SDK1: variants seen among roughly 807,000 people sequenced by gnomAD.
SDK1 encodes sidekick cell adhesion molecule 1.
SDK1 carries 157 observed loss-of-function variants against 245.5 expected under a neutral mutation model. The observed-to-expected ratio is 0.64, with a 90% CI of 0.56 to 0.73. The LOEUF (loss-of-function observed/expected upper bound fraction) is 0.73, where lower values mean the gene tolerates loss of function less well. SDK1 is among the 30% of genes least tolerant of loss of function. SDK1 has a pLI of 0.00. For missense variants in SDK1, 3,583 were observed against 3,002.3 expected, an observed-to-expected ratio of 1.19 and a Z score of -4.52; for synonymous variants, 1,647 against 1,278.5, an observed-to-expected ratio of 1.29 and a Z score of -6.15.
intron 5 of SDK1, among the ~76,000 whole-genome samples, chr7:3,942,031 C>G (rs1051955509): frequency 8.6e-5 from 13 of 151,782 alleles, no homozygotes; most frequent in African/African-American, 3.2e-4. Flanking sequence ...GCCTCAGCCT[C>G]CCGTAGCTGG....
At chr7:3,672,468 A>AT (rs1248135760) in intron 4 of SDK1, among the ~76,000 whole-genome samples, 3 of 151,060 alleles carry the variant, frequency 2.0e-5, no homozygotes, top group African/African-American at 7.3e-5. Flanking sequence ...GCCAAAAGAG[A>AT]TAGGACATAC....
intron 1 of SDK1, among the ~76,000 whole-genome samples, chr7:3,528,831 G>A (rs777490681): frequency 6.6e-6 from 1 of 152,126 alleles, no homozygotes; most frequent in Non-Finnish European, 1.5e-5. Context: ...CAGAGAGAGA[G>A]GTAGGTTTGG....
chr7:4,161,726 G>T (rs1009355113), intron 31 of SDK1, 60 bp from the exon 32 acceptor site: 7 of 1,426,698 alleles, frequency 4.9e-6, no homozygotes, highest in Non-Finnish European at 6.9e-6. Context: ...GTGGCCCTGG[G>T]AAGGGCGGCA....
intron 4 of SDK1, among the ~76,000 whole-genome samples, chr7:3,665,685 A>ATT (rs1562641766): frequency 6.6e-6 from 1 of 152,166 alleles, no homozygotes. Context: ...ACTGCAGGAC[A>ATT]TGTCGTGCCA....
chr7:4,176,311 G>A (rs2128218348), intron 34 of SDK1, among the ~76,000 whole-genome samples: 2 of 152,124 alleles, frequency 1.3e-5, no homozygotes, highest in South Asian at 4.2e-4. Flanking sequence ...ATAGGCTCAT[G>A]CAACCATGCC....
At chr7:3,745,913 T>G (rs1178100189) in intron 4 of SDK1, among the ~76,000 whole-genome samples, 1 of 152,234 alleles carries the variant, frequency 6.6e-6, no homozygotes, top group Non-Finnish European at 1.5e-5. Flanking sequence ...ACATACACTC[T>G]GAAGCCTGCT....
At chr7:3,686,610 G>A (rs1253792543) in intron 4 of SDK1, among the ~76,000 whole-genome samples, 1 of 127,226 alleles carries the variant, frequency 7.9e-6, no homozygotes, top group Non-Finnish European at 1.7e-5. Context: ...GGTACTATAT[G>A]CTGTGTTCTA....
intron 1 of SDK1, among the ~76,000 whole-genome samples, chr7:3,571,699 G>A (rs1303723716): frequency 6.6e-6 from 1 of 152,054 alleles, no homozygotes; most frequent in Non-Finnish European, 1.5e-5. Context: ...CCTTTTTGAA[G>A]TAATCTGCTT....
Position 3,969,370 on chromosome 7 carries a change from T to A in SDK1, c.1660T>A (p.Tyr554Asn). ...FIQDAGNYTC[Y>N]AANTEGSLNA... ...CCAGGATGCCGGCAACTACACCTGC[T>A]ATGCGGCCAACACAGAGGGCTCCCT... Residue 554 changes from tyrosine (Y) to asparagine (N), a missense_variant, in exon 11 of 45, where the codon TAT (tyrosine) becomes AAT (asparagine). Tyr to Asn is a moderately radical substitution (Grantham distance 143). Transcript: ENST00000404826. 1 of 1,611,358 alleles carries A rather than the reference T, an allele frequency of 6.2e-7. No homozygotes were observed. The highest frequency in any genetic ancestry group is 8.5e-7 in the Non-Finnish European group (1 of 1,178,940).
chr7:3,715,095 G>A lies in SDK1; in HGVS notation c.713+72990G>A, dbSNP rs73302284. On this transcript the variant is annotated intron_variant, in intron 4 of 44. Transcript: ENST00000404826. ...GGCTTAAAATCTGTTAAATGCTAAG[G>A]TTGTAATTGTCCTTATTGTTCACTA... Among the ~76,000 whole-genome samples, 1,073 of 152,092 alleles carry A rather than the reference G, an allele frequency of 7.1e-3. 12 individuals are homozygous for A. Among genetic ancestry groups the A allele is most frequent in the African/African-American group, 0.024 (1,002 of 41,464 alleles).
chr7:3,788,720 G>A (rs776148206), intron 4 of SDK1, among the ~76,000 whole-genome samples: 2 of 152,212 alleles, frequency 1.3e-5, no homozygotes, highest in Non-Finnish European at 2.9e-5. Context: ...GTTGGGCTGT[G>A]TTCAAAGCAG....
chr7:3,942,913 A>G (rs1447167536), intron 5 of SDK1, among the ~76,000 whole-genome samples: 1 of 152,128 alleles, frequency 6.6e-6, no homozygotes, highest in Non-Finnish European at 1.5e-5. Context: ...TGGCTCAGGG[A>G]GAATATGACT....
At chr7:4,191,579 C>T (rs150518598) in intron 35 of SDK1, among the ~76,000 whole-genome samples, 1,673 of 152,362 alleles carry the variant, frequency 0.011, 24 homozygotes, top group African/African-American at 0.038. Context: ...CCGAAGGGAG[C>T]GAGAGAGCCC....
intron 22 of SDK1, among the ~76,000 whole-genome samples, chr7:4,103,425 C>G (rs1022931564): frequency 6.6e-6 from 1 of 152,160 alleles, no homozygotes. Context: ...AACTAGAGAG[C>G]CAGAGGAGCC....
intron 26 of SDK1, among the ~76,000 whole-genome samples, chr7:4,128,142 G>A (rs1784513325): frequency 6.6e-6 from 1 of 152,146 alleles, no homozygotes; most frequent in Non-Finnish European, 1.5e-5. Flanking sequence ...TCTGCTCCTT[G>A]GCTCAGCAAT....
At chr7:3,774,833 C>T (rs1274324844) in intron 4 of SDK1, among the ~76,000 whole-genome samples, 1 of 152,190 alleles carries the variant, frequency 6.6e-6, no homozygotes, top group Non-Finnish European at 1.5e-5. Context: ...TCCAGACAAC[C>T]ATGATCCTAC....
intron 22 of SDK1, among the ~76,000 whole-genome samples, chr7:4,080,317 G>A (rs1259318259): frequency 6.6e-6 from 1 of 152,130 alleles, no homozygotes; most frequent in East Asian, 1.9e-4. Flanking sequence ...GGCTTGAATA[G>A]GATCATGCTG....
At chr7:4,199,956 G>T (rs997985491) in intron 35 of SDK1, among the ~76,000 whole-genome samples, 1 of 152,198 alleles carries the variant, frequency 6.6e-6, no homozygotes, top group East Asian at 1.9e-4. Context: ...TTAGCCGGGT[G>T]TGGTGGCGGG....
intron 1 of SDK1, among the ~76,000 whole-genome samples, chr7:3,391,211 T>A (rs1781740418): frequency 6.6e-6 from 1 of 152,050 alleles, no homozygotes; most frequent in African/African-American, 2.4e-5. Flanking sequence ...TTGTTTGTTT[T>A]CTTGTAATAT....
Sources: allele counts gnomAD v4.1 joint callset (sites outside exome capture counted in the v4.1 genomes callset), GRCh38; gene constraint gnomAD v4.1.1; transcripts MANE v1.5; gene names NCBI Gene and HGNC (gene_info 2026-07-23, HGNC 2026-07-21).